Variants in FIRRM observed in about 807,000 individuals in gnomAD.
FIRRM encodes FIGNL1-interacting regulator of recombination and mitosis.
At chr1:169,793,534 G>A in the FIRRM span, 355 of 1,614,176 alleles carry the variant, frequency 2.2e-4, no homozygotes, top group Non-Finnish European at 2.9e-4. Flanking sequence ...CCTGAGGCAA[G>A]TCAAATTGTT....
At chr1:169,851,015 A>T in the FIRRM span, 2 of 10,426 alleles carry the variant, frequency 1.9e-4, no homozygotes, top group Admixed American at 1.5e-3. Flanking sequence ...TTATTTGGGC[A>T]GCCTCCCAAG....
chr1:169,809,334 G>T, the FIRRM span, among the ~76,000 whole-genome samples: 2 of 152,096 alleles, frequency 1.3e-5, no homozygotes, highest in African/African-American at 4.8e-5. Context: ...AAAAGGAGAA[G>T]TTTGTTTGGG....
At chr1:169,835,734 T>C in the FIRRM span, among the ~76,000 whole-genome samples, 1 of 152,220 alleles carries the variant, frequency 6.6e-6, no homozygotes, top group East Asian at 1.9e-4. Context: ...GACATTATTT[T>C]TTTAGTTTCT....
the FIRRM span, among the ~76,000 whole-genome samples, chr1:169,797,556 G>T: frequency 3.9e-3 from 592 of 151,494 alleles, 20 homozygotes; most frequent in South Asian, 1.5e-3. Context: ...GTTTTTTTTT[G>T]TTTGTTTGTT....
At chr1:169,811,386 A>G in the FIRRM span, among the ~76,000 whole-genome samples, 1 of 152,162 alleles carries the variant, frequency 6.6e-6, no homozygotes, top group Non-Finnish European at 1.5e-5. Context: ...TTAAAGAAAG[A>G]ATGTGCCTGT....
At chr1:169,795,755 C>T in the FIRRM span, 3 of 981,480 alleles carry the variant, frequency 3.1e-6, no homozygotes, top group African/African-American at 3.5e-5. Flanking sequence ...AAATGATTTT[C>T]CTCCTTCCCC....
chr1:169,786,629 T>A, the FIRRM span, among the ~76,000 whole-genome samples: 1 of 152,150 alleles, frequency 6.6e-6, no homozygotes, highest in Admixed American at 6.5e-5. Context: ...AAGCGCACCA[T>A]CTAGTTTACA....
the FIRRM span, chr1:169,803,145 T>G: frequency 3.1e-6 from 5 of 1,609,554 alleles, no homozygotes; most frequent in South Asian, 4.4e-5. Flanking sequence ...ATATTCTAAG[T>G]GAAATTTCCT....
the FIRRM span, chr1:169,853,115 ATTT>A: frequency 2.3e-6 from 2 of 869,150 alleles, no homozygotes; most frequent in Admixed American, 5.1e-5. Context: ...TTTATTTGAC[ATTT>A]AGAGAACAGG....
chr1:169,793,499 A>G, the FIRRM span: 1 of 1,614,050 alleles, frequency 6.2e-7, no homozygotes, highest in Non-Finnish European at 8.5e-7. Context: ...TGCATTTTCC[A>G]TTGACTTATG....
At chr1:169,822,767 T>C in the FIRRM span, among the ~76,000 whole-genome samples, 1 of 152,180 alleles carries the variant, frequency 6.6e-6, no homozygotes, top group East Asian at 1.9e-4. Flanking sequence ...CCCAAAATGC[T>C]GGGATTACAG....
chr1:169,847,916 A>G, the FIRRM span: 8 of 569,520 alleles, frequency 1.4e-5, no homozygotes, highest in Admixed American at 6.4e-5. Flanking sequence ...ACAAAGTTGG[A>G]AAAAAAAAAC....
the FIRRM span, chr1:169,851,010 T>G: frequency 2.9e-5 from 1 of 33,986 alleles, no homozygotes; most frequent in Non-Finnish European, 5.8e-5. Context: ...TTTTTTTATT[T>G]GGGCAGCCTC....
chr1:169,818,674 T>A, the FIRRM span, among the ~76,000 whole-genome samples: 1 of 152,164 alleles, frequency 6.6e-6, no homozygotes, highest in Admixed American at 6.5e-5. Context: ...ATTTTTCATT[T>A]GCCAGTTTTA....
the FIRRM span, among the ~76,000 whole-genome samples, chr1:169,837,890 G>A: frequency 6.6e-6 from 1 of 152,178 alleles, no homozygotes; most frequent in Non-Finnish European, 1.5e-5. Context: ...TCCATGCTGA[G>A]TACAAATGTT....
chr1:169,793,129 T>C, the FIRRM span: 1 of 1,614,186 alleles, frequency 6.2e-7, no homozygotes, highest in Non-Finnish European at 8.5e-7. Context: ...CCAAGACTTT[T>C]TTCCCAGCAA....
At chr1:169,846,143 A>G in the FIRRM span, among the ~76,000 whole-genome samples, 3 of 152,208 alleles carry the variant, frequency 2.0e-5, no homozygotes, top group East Asian at 3.8e-4. Context: ...TGCATTGTCA[A>G]TGAGCAGTAT....
At chr1:169,802,760 G>A in the FIRRM span, 1 of 1,347,128 alleles carries the variant, frequency 7.4e-7, no homozygotes, top group Non-Finnish European at 1.1e-6. Context: ...GGAGAGAGAG[G>A]GAGCTTAAAG....
the FIRRM span, among the ~76,000 whole-genome samples, chr1:169,785,977 C>A: frequency 6.6e-6 from 1 of 151,986 alleles, no homozygotes; most frequent in African/African-American, 2.4e-5. Flanking sequence ...TAGATGATAG[C>A]GAACCTAATT....
Sources: allele counts gnomAD v4.1 joint callset (sites outside exome capture counted in the v4.1 genomes callset), GRCh38; gene constraint gnomAD v4.1.1; transcripts MANE v1.5; gene names NCBI Gene and HGNC (gene_info 2026-07-23, HGNC 2026-07-21).